SLC35D4: variants seen among roughly 807,000 people sequenced by gnomAD.
SLC35D4 encodes UDP-N-acetylglucosamine transporter SLC35D4.
At chr18:23,424,858 A>AAAAC in the SLC35D4 span, among the ~76,000 whole-genome samples, 1 of 152,168 alleles carries the variant, frequency 6.6e-6, no homozygotes, top group African/African-American at 2.4e-5. Flanking sequence ...TGCCTCTACA[A>AAAAC]AAACAAACAA....
the SLC35D4 span, among the ~76,000 whole-genome samples, chr18:23,342,422 T>C: frequency 6.6e-6 from 1 of 152,152 alleles, no homozygotes; most frequent in East Asian, 1.9e-4. Context: ...GATTATTGAA[T>C]AGTATTCCAA....
the SLC35D4 span, among the ~76,000 whole-genome samples, chr18:23,404,994 A>C: frequency 8.9e-3 from 198 of 22,208 alleles, no homozygotes; most frequent in Admixed American, 0.012. Flanking sequence ...CTCCGTCTCA[A>C]AAAAAAAAAA....
At chr18:23,255,208 T>C in the SLC35D4 span, among the ~76,000 whole-genome samples, 1 of 152,112 alleles carries the variant, frequency 6.6e-6, no homozygotes, top group Non-Finnish European at 1.5e-5. Context: ...AAGGGGTCAC[T>C]GTGGAGGATT....
chr18:23,345,241 T>C, the SLC35D4 span, among the ~76,000 whole-genome samples: 1 of 152,032 alleles, frequency 6.6e-6, no homozygotes, highest in Admixed American at 6.5e-5. Flanking sequence ...CTCAGCACTT[T>C]GGGAGGCCGA....
the SLC35D4 span, among the ~76,000 whole-genome samples, chr18:23,324,448 G>A: frequency 6.6e-6 from 1 of 152,188 alleles, no homozygotes; most frequent in Admixed American, 6.5e-5. Context: ...TTCAAAAGAC[G>A]CTTTCATTGA....
At chr18:23,329,487 A>C in the SLC35D4 span, among the ~76,000 whole-genome samples, 1 of 152,258 alleles carries the variant, frequency 6.6e-6, no homozygotes, top group Non-Finnish European at 1.5e-5. Flanking sequence ...AGAGAAATGC[A>C]AATCAAAACT....
the SLC35D4 span, among the ~76,000 whole-genome samples, chr18:23,419,574 G>A: frequency 6.6e-6 from 1 of 152,118 alleles, no homozygotes; most frequent in Non-Finnish European, 1.5e-5. Flanking sequence ...TAACAGGCAT[G>A]AGCACTGTGC....
chr18:23,243,945 CTA>C, the SLC35D4 span, among the ~76,000 whole-genome samples: 2 of 151,928 alleles, frequency 1.3e-5, no homozygotes, highest in East Asian at 1.9e-4. Flanking sequence ...CATCTGCTCT[CTA>C]TGTATTTGTC....
the SLC35D4 span, chr18:23,310,199 C>A: frequency 1.0e-6 from 1 of 985,190 alleles, no homozygotes; most frequent in South Asian, 4.7e-5. Context: ...TTGTCCAATG[C>A]ACCATCTCTC....
At chr18:23,436,034 T>TCTC in the SLC35D4 span, among the ~76,000 whole-genome samples, 1 of 6,628 alleles carries the variant, frequency 1.5e-4, no homozygotes, top group Non-Finnish European at 2.9e-4. Flanking sequence ...ACACTTTCTC[T>TCTC]TTTTTTTTTT....
chr18:23,434,298 C>T, the SLC35D4 span, among the ~76,000 whole-genome samples: 3 of 152,218 alleles, frequency 2.0e-5, no homozygotes, highest in East Asian at 5.8e-4. Context: ...TCTTGACCTA[C>T]TCTTTCCACT....
the SLC35D4 span, among the ~76,000 whole-genome samples, chr18:23,404,992 C>CAAAAAAAAA: frequency 2.2e-5 from 1 of 44,476 alleles, no homozygotes; most frequent in African/African-American, 7.1e-5. Flanking sequence ...GACTCCGTCT[C>CAAAAAAAAA]AAAAAAAAAA....
the SLC35D4 span, among the ~76,000 whole-genome samples, chr18:23,412,141 G>A: frequency 6.6e-6 from 1 of 152,050 alleles, no homozygotes; most frequent in Non-Finnish European, 1.5e-5. Context: ...CCAACATGGT[G>A]AAATCCTGTC....
the SLC35D4 span, among the ~76,000 whole-genome samples, chr18:23,286,799 C>T: frequency 5.1e-4 from 78 of 152,214 alleles, no homozygotes; most frequent in Middle Eastern, 3.4e-3. Flanking sequence ...TCCCCACCTG[C>T]CCAGTTCCCT....
the SLC35D4 span, among the ~76,000 whole-genome samples, chr18:23,289,804 C>G: frequency 6.6e-6 from 1 of 152,104 alleles, no homozygotes. Flanking sequence ...TGTGAAATTC[C>G]TTCTCCTGGC....
chr18:23,374,005 A>C, the SLC35D4 span, among the ~76,000 whole-genome samples: 2 of 152,334 alleles, frequency 1.3e-5, no homozygotes, highest in South Asian at 4.1e-4. Context: ...AGAGTCAGGC[A>C]TTTACAGGAC....
chr18:23,399,604 C>T, the SLC35D4 span: 1 of 1,613,902 alleles, frequency 6.2e-7, no homozygotes, highest in Non-Finnish European at 8.5e-7. Context: ...TAGATTATAC[C>T]CACAAACAGC....
At chr18:23,352,613 T>C in the SLC35D4 span, among the ~76,000 whole-genome samples, 1 of 152,146 alleles carries the variant, frequency 6.6e-6, no homozygotes, top group African/African-American at 2.4e-5. Context: ...TCTGGAGTTT[T>C]GGTGCTTGGC....
At chr18:23,254,082 AG>A in the SLC35D4 span, 1 of 671,554 alleles carries the variant, frequency 1.5e-6, no homozygotes, top group Non-Finnish European at 2.6e-6. Flanking sequence ...TCTTTCCCAT[AG>A]TGGGAATAGT....
Sources: allele counts gnomAD v4.1 joint callset (sites outside exome capture counted in the v4.1 genomes callset), GRCh38; gene constraint gnomAD v4.1.1; transcripts MANE v1.5; gene names NCBI Gene and HGNC (gene_info 2026-07-23, HGNC 2026-07-21).